Variants in SDK1 observed in about 807,000 individuals in gnomAD.
SDK1 encodes the protein sidekick cell adhesion molecule 1, also known as protein sidekick-1.
Under a neutral mutation model 245.5 loss-of-function variants are expected in SDK1, and 157 were observed. The ratio of observed to expected loss-of-function variants is 0.64; its 90% CI spans 0.56 to 0.73. SDK1 has a LOEUF of 0.73. Ranked by LOEUF, SDK1 falls within the 30% of genes least tolerant of loss-of-function variation. The pLI is 0.00. For synonymous variants in SDK1, 1,647 were observed against 1,278.5 expected, an observed-to-expected ratio of 1.29 and a Z score of -6.15; for missense variants, 3,583 against 3,002.3, an observed-to-expected ratio of 1.19 and a Z score of -4.52.
Position 4,266,246 on chromosome 7 carries a change from A to G in SDK1, c.*862A>G. The G allele has an allele frequency of 1.0e-6, 1 of 985,420 alleles. No homozygotes were observed. The highest frequency in any genetic ancestry group is 1.2e-6 in the Non-Finnish European group (1 of 829,882). The allele number at this position is 985,420 out of a possible 1,614,324, so 61.0% of individuals were successfully genotyped here. A position where few individuals can be genotyped will look rare whatever the true frequency, so the allele number is the denominator to read the frequency against. On this transcript the variant is annotated 3_prime_UTR_variant, in exon 45 of 45. Transcript: ENST00000404826. ...ACGTAGGAAGCGTGCATTGTTAACC[A>G]GAGTATTTTTAAAATCTTTTTATCT...
At chr7:3,945,433 A>G (rs1780536153) in intron 5 of SDK1, among the ~76,000 whole-genome samples, 1 of 152,248 alleles carries the variant, frequency 6.6e-6, no homozygotes, top group Admixed American at 6.5e-5. Context: ...TCCCAGAGGA[A>G]CACAAAACAG....
intron 35 of SDK1, among the ~76,000 whole-genome samples, chr7:4,192,478 T>A (rs1004748599): frequency 1.3e-5 from 2 of 152,180 alleles, no homozygotes; most frequent in African/African-American, 4.8e-5. Flanking sequence ...GGTTTCACTG[T>A]GTTAGCCAGG....
intron 41 of SDK1, among the ~76,000 whole-genome samples, chr7:4,234,532 A>G (rs763901444): frequency 3.3e-5 from 5 of 152,120 alleles, no homozygotes; most frequent in Non-Finnish European, 7.4e-5. Flanking sequence ...TGGCGGAGAA[A>G]AAGTCCTGGT....
chr7:3,341,760 C>G (rs1292078314), intron 1 of SDK1, among the ~76,000 whole-genome samples: 1 of 152,174 alleles, frequency 6.6e-6, no homozygotes, highest in Non-Finnish European at 1.5e-5. Context: ...CTGAAAATTA[C>G]AAAACTGATG....
At chr7:3,423,756 C>T (rs1172825132) in intron 1 of SDK1, among the ~76,000 whole-genome samples, 1 of 152,028 alleles carries the variant, frequency 6.6e-6, no homozygotes, top group African/African-American at 2.4e-5. Context: ...CAGACAAATA[C>T]CATATCAGTT....
chr7:4,255,141 C>T (rs1787548863), intron 44 of SDK1, among the ~76,000 whole-genome samples: 2 of 152,190 alleles, frequency 1.3e-5, no homozygotes, highest in African/African-American at 2.4e-5. Flanking sequence ...GTCTCTTTTC[C>T]TGGTTCTGTC....
At chr7:4,088,434 T>C (rs1325303199) in intron 22 of SDK1, among the ~76,000 whole-genome samples, 4 of 152,192 alleles carry the variant, frequency 2.6e-5, no homozygotes. Flanking sequence ...CTAAAGAAAT[T>C]ATTGTAAGAT....
chr7:4,051,197 ATATT>A (rs1789448990), intron 18 of SDK1, among the ~76,000 whole-genome samples: 1 of 141,682 alleles, frequency 7.1e-6, no homozygotes, highest in Non-Finnish European at 1.5e-5. Flanking sequence ...ATATGTGTAT[ATATT>A]ATATATGTAT....
intron 14 of SDK1, among the ~76,000 whole-genome samples, chr7:3,993,097 C>T (rs570374437): frequency 6.6e-6 from 1 of 152,254 alleles, no homozygotes; most frequent in South Asian, 2.1e-4. Context: ...GCATTAGAGC[C>T]GTTATTTTAC....
chr7:3,806,656 G>A lies in SDK1; in HGVS notation c.714-14794G>A, dbSNP rs143068973. Among the ~76,000 whole-genome samples, 51 of 151,868 alleles carry A rather than the reference G, an allele frequency of 3.4e-4. 2 individuals are homozygous for A. In the East Asian group the frequency reaches 9.2e-3, roughly 28 times the overall value. On this transcript the variant is annotated intron_variant, in intron 4 of 44. Transcript: ENST00000404826. ...TAAAACGCCTGTGGAGAAATGTGAC[G>A]AGGACTAAGAACAAATACATCACAA...
intron 1 of SDK1, among the ~76,000 whole-genome samples, chr7:3,606,404 G>A (rs1583219433): frequency 6.6e-6 from 1 of 152,158 alleles, no homozygotes; most frequent in Admixed American, 6.5e-5. Context: ...GCGGAGTGAG[G>A]TAGTGAAGTC....
intron 4 of SDK1, among the ~76,000 whole-genome samples, chr7:3,669,934 C>G (rs1446508236): frequency 6.6e-6 from 1 of 152,176 alleles, no homozygotes; most frequent in East Asian, 1.9e-4. Flanking sequence ...ACACTGCCAT[C>G]CAACAGTTGC....
chr7:3,729,281 A>G (rs1256663416), intron 4 of SDK1, among the ~76,000 whole-genome samples: 1 of 152,246 alleles, frequency 6.6e-6, no homozygotes, highest in Non-Finnish European at 1.5e-5. Context: ...ATGAAGGTCT[A>G]TTCTCATTCT....
intron 14 of SDK1, among the ~76,000 whole-genome samples, chr7:3,988,143 T>TC (rs1784021157): frequency 6.9e-6 from 1 of 145,318 alleles, no homozygotes. Context: ...TTTTTTTTTT[T>TC]TTTTTTTTTT....
intron 4 of SDK1, among the ~76,000 whole-genome samples, chr7:3,691,351 G>C (rs1378134836): frequency 1.3e-5 from 2 of 152,100 alleles, no homozygotes; most frequent in African/African-American, 4.8e-5. Flanking sequence ...TAAATCACAG[G>C]CTTAATTTTG....
chr7:3,995,772 G>A (rs1197781657), intron 14 of SDK1, among the ~76,000 whole-genome samples: 1 of 151,426 alleles, frequency 6.6e-6, no homozygotes, highest in Non-Finnish European at 1.5e-5. Flanking sequence ...TCTCTGCTAT[G>A]ATCTGTTCAT....
At chr7:3,515,076 G>A (rs946052006) in intron 1 of SDK1, among the ~76,000 whole-genome samples, 4 of 152,060 alleles carry the variant, frequency 2.6e-5, no homozygotes, top group East Asian at 1.9e-4. Context: ...GATATTCTGC[G>A]GGTAGAAGGA....
At chr7:3,599,471 T>A (rs1374614587) in intron 1 of SDK1, among the ~76,000 whole-genome samples, 1 of 152,240 alleles carries the variant, frequency 6.6e-6, no homozygotes, top group African/African-American at 2.4e-5. Context: ...GGTTTTAATA[T>A]TGATAAGGTT....
chr7:3,689,906 G>C (rs777784912), intron 4 of SDK1, among the ~76,000 whole-genome samples: 10 of 152,198 alleles, frequency 6.6e-5, no homozygotes, highest in Non-Finnish European at 1.3e-4. Flanking sequence ...GCCAGAACAT[G>C]TGTGTCTATT....
Sources: allele counts gnomAD v4.1 joint callset (sites outside exome capture counted in the v4.1 genomes callset), GRCh38; gene constraint gnomAD v4.1.1; transcripts MANE v1.5; gene names NCBI Gene and HGNC (gene_info 2026-07-23, HGNC 2026-07-21).